Variants in OTOGL observed in about 807,000 individuals in gnomAD.
The protein encoded by OTOGL is otogelin-like protein.
Under a neutral mutation model 318.5 loss-of-function variants are expected in OTOGL, and 285 were observed. That is an observed-to-expected ratio of 0.89 (90% CI 0.81 to 0.99). The LOEUF (loss-of-function observed/expected upper bound fraction) is 0.99. Ranked by LOEUF, OTOGL falls within the 50% of genes least tolerant of loss-of-function variation. The probability of loss-of-function intolerance (pLI) is 0.00; values close to 1 mark genes in which losing one functional copy is unlikely to be tolerated. For missense variants in OTOGL, 2,899 were observed against 2,845.6 expected (o/e 1.02, Z -0.43); for synonymous variants, 987 against 936.5 (o/e 1.05, Z -0.99).
At chr12:80,280,180 T>C (rs961606572) in intron 26 of OTOGL, among the ~76,000 whole-genome samples, 2 of 151,872 alleles carry the variant, frequency 1.3e-5, no homozygotes, top group Admixed American at 6.6e-5. Flanking sequence ...AAGTTCCTTG[T>C]AGATTCTGGT....
At chr12:80,196,471 T>G (rs1337917663) in intron 1 of OTOGL, among the ~76,000 whole-genome samples, 1 of 152,236 alleles carries the variant, frequency 6.6e-6, no homozygotes, top group Non-Finnish European at 1.5e-5. Flanking sequence ...TGTCATTCAC[T>G]GCTCTGTTTG....
chr12:80,124,141 G>A (rs1260722790), intron 1 of OTOGL, among the ~76,000 whole-genome samples: 1 of 152,142 alleles, frequency 6.6e-6, no homozygotes, highest in African/African-American at 2.4e-5. Context: ...GTGTTGCCTA[G>A]GTTTTCTTCT....
At chr12:80,136,580 G>T (rs974709938) in intron 1 of OTOGL, among the ~76,000 whole-genome samples, 1 of 152,088 alleles carries the variant, frequency 6.6e-6, no homozygotes, top group Non-Finnish European at 1.5e-5. Flanking sequence ...TTCTTTGCTG[G>T]TTTTCAAACC....
At chr12:80,266,727 C>CTT in intron 21 of OTOGL, 111 bp downstream of exon 21, 33 of 936,554 alleles carry the variant, frequency 3.5e-5, no homozygotes, top group Non-Finnish European at 4.4e-5. Flanking sequence ...ATTGTCTTTA[C>CTT]TTTTTTTTTT....
chr12:80,127,590 T>C (rs1870936459), intron 1 of OTOGL, among the ~76,000 whole-genome samples: 1 of 152,160 alleles, frequency 6.6e-6, no homozygotes, highest in Non-Finnish European at 1.5e-5. Flanking sequence ...TTGGCCTGCC[T>C]TGCTAGATTG....
intron 1 of OTOGL, among the ~76,000 whole-genome samples, chr12:80,168,445 T>G (rs1042597350): frequency 2.0e-5 from 3 of 152,142 alleles, no homozygotes; most frequent in African/African-American, 4.8e-5. Context: ...TGCTATTTTT[T>G]GGGGGGATCA....
chr12:80,368,847 A>G (rs954583032), intron 55 of OTOGL, among the ~76,000 whole-genome samples: 6 of 151,938 alleles, frequency 3.9e-5, no homozygotes, highest in Admixed American at 6.6e-5. Context: ...CAACTTACAA[A>G]AATATAATTC....
chr12:80,302,663 A>G lies in OTOGL; in HGVS notation c.3093A>G (p.Lys1031=). The G allele has an allele frequency of 7.2e-7, 1 of 1,390,434 alleles. No individual in the cohort carries two copies. The highest frequency in any genetic ancestry group is 9.3e-7 in the Non-Finnish European group (1 of 1,069,934). The allele number at this position is 1,390,434 out of a possible 1,614,324, so 86.1% of individuals were successfully genotyped here. A position where few individuals can be genotyped will look rare whatever the true frequency, so the allele number is the denominator to read the frequency against. Residue 1031 remains lysine, a synonymous_variant, in exon 28 of 59, where the codon AAA becomes AAG. Transcript: ENST00000547103. ...AATCAGGTTTTTTTCTGGAAAACAAATCTACCTACCAGCTTTGGAAGGCTG... is the reference window on the plus strand; with the variant it reads ...AATCAGGTTTTTTTCTGGAAAACAAGTCTACCTACCAGCTTTGGAAGGCTG... ...QKQSGFFLEN[K]STYQLWKAGY... is the part of the protein sequence containing the mutation.
chr12:80,145,184 T>C (rs1036047280), intron 1 of OTOGL, among the ~76,000 whole-genome samples: 2 of 150,822 alleles, frequency 1.3e-5, no homozygotes, highest in African/African-American at 5.0e-5. Flanking sequence ...GTTTTTATGG[T>C]TTTAGGTCTA....
chr12:80,158,094 A>G (rs1180398513), intron 1 of OTOGL, among the ~76,000 whole-genome samples: 1 of 152,138 alleles, frequency 6.6e-6, no homozygotes. Flanking sequence ...ACAAGCTTAT[A>G]AACCTTTATT....
rs1885679766 is a variant in OTOGL, at chr12:80,300,369, G to GC, written c.3064-2264dup. The stretch of plus-strand genomic sequence containing the variant: ...GTCCAACTCATCCTGCCTGTGTGCT[G>GC]CAAGTGGAGCGTAGCAGTGGTCTCT... On this transcript the variant is annotated intron_variant, in intron 27 of 58. Transcript: ENST00000547103. Among the ~76,000 whole-genome samples, 3 of 152,048 alleles carry GC rather than the reference G, an allele frequency of 2.0e-5. No homozygotes were observed. The South Asian group carries it at 6.2e-4, about 32-fold the overall frequency.
At chr12:80,122,083 A>T (rs1164686891) in intron 1 of OTOGL, among the ~76,000 whole-genome samples, 1 of 152,214 alleles carries the variant, frequency 6.6e-6, no homozygotes, top group African/African-American at 2.4e-5. Flanking sequence ...TTTTTGATTA[A>T]GAAAAATACC....
intron 35 of OTOGL, among the ~76,000 whole-genome samples, chr12:80,324,694 G>A (rs182549964): frequency 6.6e-6 from 1 of 152,160 alleles, no homozygotes; most frequent in Non-Finnish European, 1.5e-5. Flanking sequence ...GACCAGGTTG[G>A]TGGCCCGAGA....
chr12:80,306,962 C>T (rs1221769412), intron 29 of OTOGL, among the ~76,000 whole-genome samples: 1 of 148,656 alleles, frequency 6.7e-6, no homozygotes, highest in Non-Finnish European at 1.5e-5. Context: ...GGCCTTTCCG[C>T]AGTGTTTGTG....
Position 80,326,109 on chromosome 12 carries a change from C to A in OTOGL, c.4199+2269C>A, listed in dbSNP as rs900172588. Among the ~76,000 whole-genome samples, 7 of 152,122 alleles carry A rather than the reference C, an allele frequency of 4.6e-5. No individual in the cohort carries two copies. The East Asian group carries it at 1.3e-3, about 29-fold the overall frequency. ...GGCTAATTATTGCTCCTTATACCTGCAGTACTTGAGGAAGGACTCAAATAC... is the reference window on the plus strand; with the variant it reads ...GGCTAATTATTGCTCCTTATACCTGAAGTACTTGAGGAAGGACTCAAATAC... On this transcript the variant is annotated intron_variant, in intron 35 of 58. Coordinates refer to ENST00000547103, the MANE Select transcript of OTOGL (RefSeq NM_001378609.3).
intron 28 of OTOGL, among the ~76,000 whole-genome samples, chr12:80,303,188 C>G (rs546478441): frequency 6.6e-6 from 1 of 152,096 alleles, no homozygotes; most frequent in South Asian, 2.1e-4. Context: ...CGGAGTCTGG[C>G]TCTGTCGCCC....
At chr12:80,221,879 T>C (rs1390366115) in intron 6 of OTOGL, among the ~76,000 whole-genome samples, 3 of 152,220 alleles carry the variant, frequency 2.0e-5, no homozygotes, top group Admixed American at 1.3e-4. Flanking sequence ...ATAAATCTTT[T>C]CTTCATAACT....
At chr12:80,255,903 A>G (rs1881994606) in intron 16 of OTOGL, among the ~76,000 whole-genome samples, 1 of 151,866 alleles carries the variant, frequency 6.6e-6, no homozygotes, top group Non-Finnish European at 1.5e-5. Flanking sequence ...GTCTGAATTA[A>G]CTTTCTGTGT....
intron 32 of OTOGL, among the ~76,000 whole-genome samples, chr12:80,316,370 T>C (rs2067247173): frequency 6.6e-6 from 1 of 152,186 alleles, no homozygotes; most frequent in African/African-American, 2.4e-5. Flanking sequence ...TGCCTTTGTA[T>C]TTTCTGGCAT....
Sources: allele counts gnomAD v4.1 joint callset (sites outside exome capture counted in the v4.1 genomes callset), GRCh38; gene constraint gnomAD v4.1.1; transcripts MANE v1.5; gene names NCBI Gene and HGNC (gene_info 2026-07-23, HGNC 2026-07-21).